The following PIGU variants were observed in gnomAD, a reference collection of about 807,000 sequenced individuals.
PIGU encodes the protein GPI-anchor transamidase component PIGU.
In PIGU, 24 loss-of-function variants were observed where a neutral mutation model predicts 49.9. The ratio of observed to expected loss-of-function variants is 0.48; its 90% CI spans 0.35 to 0.68. The LOEUF (loss-of-function observed/expected upper bound fraction) is 0.68, where lower values mean the gene tolerates loss of function less well. PIGU is among the 30% of genes least tolerant of loss of function. The probability of loss-of-function intolerance (pLI) is 0.01; values close to 1 mark genes in which losing one functional copy is unlikely to be tolerated. For missense variants in PIGU, 490 were observed against 532.6 expected, an observed-to-expected ratio of 0.92 and a Z score of 0.79; for synonymous variants, 220 against 205.7, an observed-to-expected ratio of 1.07 and a Z score of -0.59.
chr20:34,573,480 G>A (rs1340758243), intron 11 of PIGU, among the ~76,000 whole-genome samples: 1 of 152,212 alleles, frequency 6.6e-6, no homozygotes, highest in Non-Finnish European at 1.5e-5. Flanking sequence ...TATCTGGCAA[G>A]TTCCATGGAT....
At chr20:34,584,466 C>T (rs1263950724) in intron 9 of PIGU, among the ~76,000 whole-genome samples, 1 of 149,792 alleles carries the variant, frequency 6.7e-6, no homozygotes, top group East Asian at 2.0e-4. Flanking sequence ...CCACCAGATA[C>T]ACTTTTTCCA....
chr20:34,575,441 G>A (rs944801823), intron 10 of PIGU, among the ~76,000 whole-genome samples, 195 bp from the exon 11 acceptor site: 1 of 152,200 alleles, frequency 6.6e-6, no homozygotes, highest in African/African-American at 2.4e-5. Flanking sequence ...CCCACAGCTG[G>A]TGGTAGCTCC....
intron 8 of PIGU, among the ~76,000 whole-genome samples, chr20:34,586,741 T>C (rs951516797): frequency 2.0e-5 from 3 of 152,296 alleles, no homozygotes; most frequent in African/African-American, 4.8e-5. Context: ...TCAAGTCCAT[T>C]TGAGTTTTCC....
intron 1 of PIGU, among the ~76,000 whole-genome samples, chr20:34,670,054 G>C (rs1600676239): frequency 6.6e-6 from 1 of 152,158 alleles, no homozygotes; most frequent in Non-Finnish European, 1.5e-5. Flanking sequence ...TGTGACGAAG[G>C]GGGGCTTCTG....
At chr20:34,656,556 A>G (rs2146782868) in intron 2 of PIGU, among the ~76,000 whole-genome samples, 1 of 152,176 alleles carries the variant, frequency 6.6e-6, no homozygotes, top group South Asian at 2.1e-4. Context: ...TGCTGGGATT[A>G]CAGGTATGAG....
At chr20:34,647,300 C>T (rs1181525947) in intron 2 of PIGU, among the ~76,000 whole-genome samples, 1 of 131,554 alleles carries the variant, frequency 7.6e-6, no homozygotes, top group Non-Finnish European at 1.6e-5. Flanking sequence ...CAGAGTCTTG[C>T]TCTGTTGCTA....
At chr20:34,580,956 C>T (rs1490636500) in intron 10 of PIGU, among the ~76,000 whole-genome samples, 5 of 152,078 alleles carry the variant, frequency 3.3e-5, no homozygotes, top group Non-Finnish European at 5.9e-5. Flanking sequence ...TTGGGTGCAG[C>T]GCTGGGGAAT....
chr20:34,592,123 A>G (rs572030826), intron 7 of PIGU, among the ~76,000 whole-genome samples: 2 of 151,320 alleles, frequency 1.3e-5, no homozygotes, highest in South Asian at 4.2e-4. Flanking sequence ...TGGGAGGTGG[A>G]GCTTGCAGTG....
chr20:34,585,343 T>C, intron 9 of PIGU, 94 bp downstream of exon 9: 1 of 1,408,056 alleles, frequency 7.1e-7, no homozygotes, highest in Non-Finnish European at 9.7e-7. Context: ...TGACAGCAGG[T>C]GCTCCACATT....
chr20:34,660,654 A>C (rs535411932), intron 1 of PIGU, among the ~76,000 whole-genome samples: 1 of 152,334 alleles, frequency 6.6e-6, no homozygotes, highest in East Asian at 1.9e-4. Context: ...ACCCAAATGG[A>C]GACATAAAAT....
At chr20:34,649,547 G>A (rs1037619083) in intron 2 of PIGU, among the ~76,000 whole-genome samples, 15 of 148,906 alleles carry the variant, frequency 1.0e-4, no homozygotes, top group African/African-American at 3.2e-4. Flanking sequence ...TTGAGACGGA[G>A]TCTCGCTCTG....
intron 6 of PIGU, among the ~76,000 whole-genome samples, chr20:34,622,389 C>A (rs1326444912): frequency 6.6e-6 from 1 of 151,656 alleles, no homozygotes; most frequent in Admixed American, 6.6e-5. Flanking sequence ...TGGTGGCGGG[C>A]GCATGTAGTC....
In PIGU at chr20:34,591,152, TAG is replaced by T. The variant is rs894144430; in HGVS notation, c.628-2547_628-2546del. On this transcript the variant is annotated intron_variant, in intron 7 of 11. Transcript: ENST00000217446. ...GTGGTTATACTATTATCAGATAAAATAGACTTTTATGTAAAAAAGTATTGCAG... is the reference window on the plus strand; with the variant it reads ...GTGGTTATACTATTATCAGATAAAATACTTTTATGTAAAAAAGTATTGCAG... Among the ~76,000 whole-genome samples the T allele has an allele frequency of 5.3e-5, 8 of 151,950 alleles. No individual in the cohort carries two copies. In the East Asian group the frequency reaches 1.5e-3, roughly 29 times the overall value.
intron 8 of PIGU, among the ~76,000 whole-genome samples, 191 bp downstream of exon 8, chr20:34,588,262 G>GA (rs1327890395): frequency 1.3e-5 from 2 of 151,780 alleles, no homozygotes; most frequent in African/African-American, 2.4e-5. Flanking sequence ...AAAAAAAAAA[G>GA]AAAAAAATCC....
At chr20:34,675,926 C>A (rs1265385339) in intron 1 of PIGU, among the ~76,000 whole-genome samples, 1 of 151,048 alleles carries the variant, frequency 6.6e-6, no homozygotes. Context: ...GATACTGTTT[C>A]TTGAACTAGG....
intron 6 of PIGU, among the ~76,000 whole-genome samples, chr20:34,632,524 C>T (rs1253618720): frequency 2.6e-5 from 4 of 152,000 alleles, no homozygotes; most frequent in African/African-American, 7.3e-5. Context: ...CCCACCACCA[C>T]GCCCAGCTAA....
intron 1 of PIGU, among the ~76,000 whole-genome samples, chr20:34,668,171 C>T (rs557765832): frequency 6.6e-6 from 1 of 151,924 alleles, no homozygotes; most frequent in East Asian, 1.9e-4. Flanking sequence ...AACAACTAAA[C>T]GCAATATGTG....
intron 2 of PIGU, 75 bp from the exon 3 acceptor site, chr20:34,645,409 G>A: frequency 6.9e-7 from 1 of 1,448,616 alleles, no homozygotes; most frequent in African/African-American, 1.5e-5. Flanking sequence ...GTAGAGAGTG[G>A]GGAGAAAACT....
chr20:34,638,781 T>A (rs1461985204), intron 4 of PIGU, among the ~76,000 whole-genome samples: 1 of 152,164 alleles, frequency 6.6e-6, no homozygotes, highest in Non-Finnish European at 1.5e-5. Context: ...AGCTCTTGCC[T>A]TCCGCTGGTG....
Sources: allele counts gnomAD v4.1 joint callset (sites outside exome capture counted in the v4.1 genomes callset), GRCh38; gene constraint gnomAD v4.1.1; transcripts MANE v1.5; gene names NCBI Gene and HGNC (gene_info 2026-07-23, HGNC 2026-07-21).